CSMD1: variants seen among roughly 807,000 people sequenced by gnomAD.
CSMD1 encodes the protein CUB and Sushi multiple domains 1.
In CSMD1, 213 loss-of-function variants were observed where a neutral mutation model predicts 417.5. The observed-to-expected ratio is 0.51, with a 90% CI of 0.46 to 0.57. The LOEUF (loss-of-function observed/expected upper bound fraction) is 0.57, where lower values mean the gene tolerates loss of function less well. CSMD1 is among the 20% of genes least tolerant of loss of function. CSMD1 has a pLI of 0.00. For missense variants in CSMD1, 6,923 were observed against 4,529.7 expected, an observed-to-expected ratio of 1.53 and a Z score of -15.17; for synonymous variants, 2,862 against 1,736.8, an observed-to-expected ratio of 1.65 and a Z score of -16.11.
intron 41 of CSMD1, among the ~76,000 whole-genome samples, chr8:3,141,277 G>A (rs1320583842): frequency 2.0e-5 from 3 of 152,098 alleles, no homozygotes; most frequent in Non-Finnish European, 4.4e-5. Flanking sequence ...TTATACCTGA[G>A]GAAATTATGA....
At chr8:3,934,171 T>G (rs150884697) in intron 5 of CSMD1, among the ~76,000 whole-genome samples, 131 of 152,302 alleles carry the variant, frequency 8.6e-4, no homozygotes, top group African/African-American at 2.9e-3. Context: ...AATAACTGAA[T>G]AGAATCTCGG....
intron 3 of CSMD1, among the ~76,000 whole-genome samples, chr8:4,238,649 G>C (rs1563320195): frequency 6.6e-6 from 1 of 152,176 alleles, no homozygotes; most frequent in Non-Finnish European, 1.5e-5. Context: ...GGTCATTCCT[G>C]TGTCTTGAAG....
intron 1 of CSMD1, among the ~76,000 whole-genome samples, chr8:4,715,367 A>G (rs1458242418): frequency 1.3e-5 from 2 of 152,216 alleles, no homozygotes; most frequent in African/African-American, 4.8e-5. Context: ...TCAAAGAGCA[A>G]TATTAAAATT....
intron 65 of CSMD1, among the ~76,000 whole-genome samples, chr8:2,952,284 A>AT (rs959004642): frequency 1.3e-5 from 2 of 152,144 alleles, no homozygotes; most frequent in Admixed American, 6.5e-5. Context: ...TCCCTAACCC[A>AT]TTTTTTAAAA....
intron 3 of CSMD1, among the ~76,000 whole-genome samples, chr8:4,109,597 C>T (rs138007562): frequency 7.3e-4 from 111 of 152,230 alleles, no homozygotes; most frequent in Admixed American, 1.5e-3. Flanking sequence ...GGAGCATTTG[C>T]CTTTGGATAT....
At chr8:3,202,116 T>C (rs1409306117) in intron 31 of CSMD1, among the ~76,000 whole-genome samples, 2 of 152,038 alleles carry the variant, frequency 1.3e-5, no homozygotes, top group Non-Finnish European at 1.5e-5. Flanking sequence ...TGCAATGAGC[T>C]GAGATTGTAC....
chr8:4,651,512 A>C (rs1358540860), intron 1 of CSMD1, among the ~76,000 whole-genome samples: 2 of 152,176 alleles, frequency 1.3e-5, no homozygotes, highest in South Asian at 2.1e-4. Flanking sequence ...CAGAAGAAAA[A>C]ATAAAGTTTA....
intron 2 of CSMD1, among the ~76,000 whole-genome samples, chr8:4,432,279 A>G (rs913637464): frequency 1.3e-5 from 2 of 152,190 alleles, no homozygotes; most frequent in African/African-American, 2.4e-5. Flanking sequence ...TTCCAGGTGT[A>G]GGTTTTTATG....
intron 49 of CSMD1, among the ~76,000 whole-genome samples, chr8:3,077,561 T>TAGG (rs1309547778): frequency 6.6e-6 from 1 of 152,228 alleles, no homozygotes; most frequent in Non-Finnish European, 1.5e-5. Context: ...AACGTAGTAG[T>TAGG]CACTTCCTTT....
chr8:4,276,747 TG>T (rs1796510826), intron 3 of CSMD1, among the ~76,000 whole-genome samples: 1 of 152,234 alleles, frequency 6.6e-6, no homozygotes, highest in African/African-American at 2.4e-5. Flanking sequence ...ATATGTGTTT[TG>T]ATGTTTCTGT....
chr8:3,608,335 T>C (rs117191358), intron 8 of CSMD1, among the ~76,000 whole-genome samples: 3,781 of 151,996 alleles, frequency 0.025, 69 homozygotes, highest in Middle Eastern at 0.078. Context: ...GGGGGCCACA[T>C]TGTGGAAGAA....
chr8:3,234,083 A>G (rs1324192773), intron 26 of CSMD1, among the ~76,000 whole-genome samples: 2 of 152,054 alleles, frequency 1.3e-5, no homozygotes. Flanking sequence ...CCTCAGAAAG[A>G]CCTTAGATTT....
chr8:3,642,348 GAAAGAAGAAATCACCGCA>G (rs2117322920), intron 7 of CSMD1, among the ~76,000 whole-genome samples: 1 of 152,260 alleles, frequency 6.6e-6, no homozygotes, highest in Non-Finnish European at 1.5e-5. Context: ...GCTGTGGGGA[GAAAGAAGAAATCACCGCA>G]AAGAATTTAT....
intron 39 of CSMD1, among the ~76,000 whole-genome samples, chr8:3,154,549 G>C (rs1819400281): frequency 1.3e-5 from 2 of 152,052 alleles, no homozygotes; most frequent in Non-Finnish European, 2.9e-5. Context: ...GTTTTGGCGG[G>C]AGAAAGAATA....
intron 3 of CSMD1, among the ~76,000 whole-genome samples, chr8:4,074,987 A>T (rs2740808): frequency 0.012 from 1,774 of 152,246 alleles, 34 homozygotes; most frequent in African/African-American, 0.04. Context: ...ATGGGATATG[A>T]ACTCTACAAA....
chr8:3,943,457 C>A (rs1811021854), intron 5 of CSMD1, among the ~76,000 whole-genome samples: 1 of 130,186 alleles, frequency 7.7e-6, no homozygotes. Context: ...GCAATTGTTT[C>A]TGACAAAAAT....
intron 1 of CSMD1, among the ~76,000 whole-genome samples, chr8:4,682,663 G>C (rs181061934): frequency 1.3e-5 from 2 of 151,882 alleles, no homozygotes; most frequent in East Asian, 1.9e-4. Context: ...GGATATTACA[G>C]ATCACAATAG....
At chr8:4,152,203 G>C (rs946230762) in intron 3 of CSMD1, among the ~76,000 whole-genome samples, 4 of 152,092 alleles carry the variant, frequency 2.6e-5, no homozygotes, top group African/African-American at 7.2e-5. Flanking sequence ...CTTTGGAGAA[G>C]AAGGAACACC....
chr8:3,916,939 A>G, intron 5 of CSMD1, among the ~76,000 whole-genome samples: 1 of 152,200 alleles, frequency 6.6e-6, no homozygotes, highest in South Asian at 2.1e-4. Flanking sequence ...TCTGCACTAA[A>G]AGCTGCTCCT....
Sources: gnomAD v4.1 joint callset for allele counts (sites outside exome capture counted in the v4.1 genomes callset) on GRCh38, gnomAD v4.1.1 for gene constraint, MANE v1.5 for transcripts, NCBI Gene and HGNC (gene_info 2026-07-23, HGNC 2026-07-21) for gene names.